MTUS2: variants seen among roughly 807,000 people sequenced by gnomAD.
MTUS2 encodes microtubule-associated tumor suppressor candidate 2.
MTUS2 carries 40 observed loss-of-function variants against 114.1 expected under a neutral mutation model. That is an observed-to-expected ratio of 0.35 (90% CI 0.27 to 0.46). MTUS2 has a LOEUF of 0.46. Ranked by LOEUF, MTUS2 falls within the 20% of genes least tolerant of loss-of-function variation. The probability of loss-of-function intolerance (pLI) is 1.00; values close to 1 mark genes in which losing one functional copy is unlikely to be tolerated. For missense variants in MTUS2, 1,679 were observed against 1,705.4 expected, an observed-to-expected ratio of 0.98 and a Z score of 0.27; for synonymous variants, 688 against 672.0, an observed-to-expected ratio of 1.02 and a Z score of -0.37.
chr13:29,366,630 G>A (rs564312118), intron 8 of MTUS2, among the ~76,000 whole-genome samples: 2 of 152,210 alleles, frequency 1.3e-5, no homozygotes, highest in African/African-American at 4.8e-5. Flanking sequence ...GGACCATCAC[G>A]GTTTTGAAAA....
At chr13:28,934,635 T>A (rs963641905) in intron 2 of MTUS2, among the ~76,000 whole-genome samples, 1 of 152,188 alleles carries the variant, frequency 6.6e-6, no homozygotes, top group African/African-American at 2.4e-5. Flanking sequence ...GCGATTCTCC[T>A]GCCTCAGCCT....
chr13:29,365,156 G>A (rs1267071085), intron 8 of MTUS2, among the ~76,000 whole-genome samples: 4 of 152,164 alleles, frequency 2.6e-5, no homozygotes, highest in African/African-American at 9.7e-5. Flanking sequence ...TTCAGCTAAA[G>A]GAAGTTTTTA....
intron 5 of MTUS2, among the ~76,000 whole-genome samples, chr13:29,265,060 T>G (rs1897617999): frequency 6.6e-6 from 1 of 152,220 alleles, no homozygotes; most frequent in Admixed American, 6.5e-5. Context: ...AAATATGAAT[T>G]TCAACTTTAA....
At chr13:28,920,692 C>T (rs1338160721) in intron 2 of MTUS2, among the ~76,000 whole-genome samples, 1 of 152,210 alleles carries the variant, frequency 6.6e-6, no homozygotes, top group Non-Finnish European at 1.5e-5. Flanking sequence ...TGCCTGGGAG[C>T]TAGGGATTAG....
chr13:29,265,006 C>G (rs1897615776), intron 5 of MTUS2, among the ~76,000 whole-genome samples: 1 of 152,226 alleles, frequency 6.6e-6, no homozygotes, highest in Admixed American at 6.5e-5. Flanking sequence ...TGCCACATGA[C>G]CAGGCTGCAA....
chr13:29,002,097 A>C (rs1234648146), intron 2 of MTUS2, among the ~76,000 whole-genome samples: 10 of 152,124 alleles, frequency 6.6e-5, no homozygotes, highest in Non-Finnish European at 1.3e-4. Context: ...CAAGATAATA[A>C]ATTTGTGTTG....
intron 5 of MTUS2, among the ~76,000 whole-genome samples, chr13:29,264,500 C>T (rs904802860): frequency 6.6e-6 from 1 of 152,260 alleles, no homozygotes; most frequent in African/African-American, 2.4e-5. Flanking sequence ...CCCATTGGCT[C>T]TGCCCTAGTA....
chr13:29,436,819 C>CT (rs10715829), intron 8 of MTUS2, among the ~76,000 whole-genome samples: 9 of 137,468 alleles, frequency 6.5e-5, no homozygotes, highest in African/African-American at 2.2e-4. Context: ...TCTTTTCTTG[C>CT]TTTTTTTTTT....
rs79798345 is a variant in MTUS2 at position 29,153,994 on chromosome 13, A to C, written c.2644+53024A>C. Among the ~76,000 whole-genome samples the C allele has an allele frequency of 8.0e-3, 1,221 of 152,310 alleles. 12 individuals are homozygous for C. Among genetic ancestry groups the C allele is most frequent in the African/African-American group, 0.027 (1,142 of 41,556 alleles). On this transcript the variant is annotated intron_variant, in intron 5 of 15. Coordinates refer to ENST00000612955, the MANE Select transcript of MTUS2 (RefSeq NM_001033602.4). ...AGAGAAAAAACAGTCAGGGGCATCC[A>C]AAAGAATCTACTTGTCCCTGTTCAG...
intron 5 of MTUS2, among the ~76,000 whole-genome samples, chr13:29,224,083 C>A (rs920939647): frequency 6.6e-6 from 1 of 152,178 alleles, no homozygotes; most frequent in Non-Finnish European, 1.5e-5. Flanking sequence ...GGAATGGGAT[C>A]CAGGCTGGTA....
At chr13:29,022,909 C>A (rs1423139237) in intron 2 of MTUS2, among the ~76,000 whole-genome samples, 2 of 152,158 alleles carry the variant, frequency 1.3e-5, no homozygotes, top group Non-Finnish European at 2.9e-5. Context: ...TTTATTCATT[C>A]ATTTGTGCTG....
At chr13:29,013,481 A>G (rs974513633) in intron 2 of MTUS2, among the ~76,000 whole-genome samples, 18 of 152,342 alleles carry the variant, frequency 1.2e-4, no homozygotes, top group African/African-American at 3.8e-4. Flanking sequence ...ATTAAAGTCC[A>G]TAGATCAATC....
At chr13:29,216,328 G>A (rs1895680409) in intron 5 of MTUS2, among the ~76,000 whole-genome samples, 1 of 152,194 alleles carries the variant, frequency 6.6e-6, no homozygotes, top group African/African-American at 2.4e-5. Flanking sequence ...GGTGGGATCC[G>A]CTGAGCAAGA....
chr13:28,915,882 C>T (rs1346744627), intron 2 of MTUS2, among the ~76,000 whole-genome samples: 2 of 151,880 alleles, frequency 1.3e-5, no homozygotes, highest in Admixed American at 6.6e-5. Flanking sequence ...GGCCAATGTC[C>T]TGGAGCATTT....
At chr13:29,351,704 G>A (rs1869297412) in intron 7 of MTUS2, among the ~76,000 whole-genome samples, 2 of 151,972 alleles carry the variant, frequency 1.3e-5, no homozygotes, top group Non-Finnish European at 2.9e-5. Flanking sequence ...CAAGGCTCGA[G>A]CAATCATCCC....
intron 2 of MTUS2, among the ~76,000 whole-genome samples, chr13:28,880,602 T>C (rs192305204): frequency 6.6e-6 from 1 of 152,354 alleles, no homozygotes; most frequent in Admixed American, 6.5e-5. Flanking sequence ...ATGCATACTT[T>C]GGAAAATTTG....
At chr13:29,151,596 C>A (rs142400338) in intron 5 of MTUS2, among the ~76,000 whole-genome samples, 1 of 152,174 alleles carries the variant, frequency 6.6e-6, no homozygotes, top group Non-Finnish European at 1.5e-5. Flanking sequence ...TGAGATTAGG[C>A]ATCCTTATCT....
chr13:28,959,579 G>A lies in MTUS2; in HGVS notation c.-242-64878G>A, dbSNP rs186963953. 7.2e-5 allele frequency among the ~76,000 whole-genome samples: 11 copies of A among 152,226 alleles called. No individual in the cohort carries two copies. In the East Asian group the frequency reaches 2.1e-3, roughly 29 times the overall value. On this transcript the variant is annotated intron_variant, in intron 2 of 15. Coordinates refer to ENST00000612955, the MANE Select transcript of MTUS2 (RefSeq NM_001033602.4). Reference sequence around the variant, plus strand: ...CTGCTTTTGGTGAGGGCCTCAGGAAGCTTCCACTCATGGCAGAAGATGAAG... The same window carrying A: ...CTGCTTTTGGTGAGGGCCTCAGGAAACTTCCACTCATGGCAGAAGATGAAG...
chr13:29,184,173 G>T (rs933140896), intron 5 of MTUS2, among the ~76,000 whole-genome samples: 20 of 152,036 alleles, frequency 1.3e-4, no homozygotes, highest in African/African-American at 3.9e-4. Context: ...AAATTTACTG[G>T]TGGCTAAATG....
Sources: allele counts gnomAD v4.1 joint callset (sites outside exome capture counted in the v4.1 genomes callset), GRCh38; gene constraint gnomAD v4.1.1; transcripts MANE v1.5; gene names NCBI Gene and HGNC (gene_info 2026-07-23, HGNC 2026-07-21).